MGAM: variants seen among roughly 807,000 people sequenced by gnomAD.
The protein encoded by MGAM is alpha-1,4-glucosidase.
In MGAM, 253 loss-of-function variants were observed where a neutral mutation model predicts 358.8. The observed-to-expected ratio is 0.71, with a 90% confidence interval of 0.64 to 0.78. The LOEUF (loss-of-function observed/expected upper bound fraction) is 0.78, where lower values mean the gene tolerates loss of function less well. Among genes scored for constraint, MGAM ranks in the 30% least tolerant of loss-of-function variants. The probability of loss-of-function intolerance (pLI) is 0.00; values close to 1 mark genes in which losing one functional copy is unlikely to be tolerated. For missense variants in MGAM, 3,080 were observed against 3,432.6 expected (o/e 0.90, Z 2.57); for synonymous variants, 1,105 against 1,227.1 (o/e 0.90, Z 2.08).
rs1812840596 is a variant in MGAM, at chr7:142,067,211, C to G, written c.4920-130C>G. 2.8e-5 allele frequency: 25 copies of G among 891,908 alleles called. 2 individuals are homozygous for G. The South Asian group carries it at 3.8e-4, about 14-fold the overall frequency. 55.2% of individuals were successfully genotyped at this position (891,908 alleles called of 1,614,324 possible). ...CTGGGTGCTCCTGATGAAGCTAGGC[C>G]TAGGAACAAAGCAAGGATGGCTCAG... On this transcript the variant is annotated intron_variant, in intron 41 of 70. Transcript: ENST00000475668.
In MGAM at chr7:142,047,143, G is replaced by A. The variant is rs1810477420; in HGVS notation, c.2499-642G>A. 1.3e-5 allele frequency among the ~76,000 whole-genome samples: 2 copies of A among 152,084 alleles called. 1 individual carries two copies. The highest frequency in any genetic ancestry group is 4.1e-4 in the South Asian group (2 of 4,820). On this transcript the variant is annotated intron_variant, in intron 21 of 70. Transcript: ENST00000475668. ...TTGCTTAGAGCAGTGATAGAATGAG[G>A]AGAGACTCCAAATAAAAATTTCTCT...
In MGAM at chr7:142,040,821, C is replaced by A. The variant is rs148440972; in HGVS notation, c.2473C>A (p.Gln825Lys). ...AGGAGGCTACATCTTCCCCACACAGCAGCCAAATACAACCACTCTGGCCAG... is the reference window on the plus strand; with the variant it reads ...AGGAGGCTACATCTTCCCCACACAGAAGCCAAATACAACCACTCTGGCCAG... Reference protein sequence around the residue: ...LRGGYIFPTQQPNTTTLASRK... With the variant: ...LRGGYIFPTQKPNTTTLASRK... The change falls in exon 21 of 71, where the codon CAG becomes AAG. Residue 825 changes from glutamine to lysine, a missense_variant. Gln to Lys is a moderately conservative substitution (Grantham distance 53). Transcript: ENST00000475668. The A allele has an allele frequency of 2.3e-4, 375 of 1,612,340 alleles. 1 individual carries two copies. The African/African-American group carries it at 4.5e-3, about 19-fold the overall frequency.
chr7:142,092,702 G>T, intron 59 of MGAM, 94 bp downstream of exon 59: 1 of 1,143,716 alleles, frequency 8.7e-7, no homozygotes, highest in Non-Finnish European at 1.3e-6. Flanking sequence ...GCACAGCTCA[G>T]GGCACATCCT....
intron 16 of MGAM, among the ~76,000 whole-genome samples, chr7:142,035,924 T>A (rs1159735243): frequency 1.3e-5 from 2 of 152,172 alleles, no homozygotes; most frequent in African/African-American, 4.8e-5. Flanking sequence ...ATTTACGAAA[T>A]ACCTGTGTAG....
chr7:142,042,504 A>G (rs1349467299), intron 21 of MGAM, among the ~76,000 whole-genome samples: 1 of 28,286 alleles, frequency 3.5e-5, no homozygotes, highest in African/African-American at 1.7e-4. Flanking sequence ...TATATAATAT[A>G]TAATATATAT....
rs565969071 is a variant in MGAM at position 142,093,090 on chromosome 7, G to T, written c.7034-322G>T. 5.5e-5 allele frequency among the ~76,000 whole-genome samples: 8 copies of T among 146,694 alleles called. 1 individual carries two copies. In the South Asian group the frequency reaches 1.1e-3, roughly 20 times the overall value. On this transcript the variant is annotated intron_variant, in intron 59 of 70. Coordinates refer to ENST00000475668, the MANE Select transcript of MGAM (RefSeq NM_001365693.1). ...AATCTCAGTCTGCTAAACTGTAAAAGACAGGTAATGAGATCTTCTTCATAG... is the reference window on the plus strand; with the variant it reads ...AATCTCAGTCTGCTAAACTGTAAAATACAGGTAATGAGATCTTCTTCATAG...
At chr7:142,097,286 T>G (rs924973512) in intron 65 of MGAM, among the ~76,000 whole-genome samples, 3 of 152,014 alleles carry the variant, frequency 2.0e-5, no homozygotes, top group African/African-American at 2.4e-5. Context: ...AGACACAACC[T>G]CAGTTGTTTG....
intron 57 of MGAM, among the ~76,000 whole-genome samples, chr7:142,087,482 A>G (rs547187929): frequency 6.8e-6 from 1 of 146,088 alleles, no homozygotes; most frequent in African/African-American, 2.4e-5. Flanking sequence ...GTGCTTTACT[A>G]TCAATTGTTG....
chr7:142,025,241 A>G, intron 8 of MGAM, 92 bp downstream of exon 8: 1 of 971,008 alleles, frequency 1.0e-6, no homozygotes, highest in Non-Finnish European at 1.6e-6. Context: ...TCCCTTTAAG[A>G]GTGACTGAGC....
rs1384268706 is a variant in MGAM, at chr7:142,070,367, G to A, written c.5062-627G>A. Among the ~76,000 whole-genome samples, 2 of 146,184 alleles carry A rather than the reference G, an allele frequency of 1.4e-5. 1 individual carries two copies. The highest frequency in any genetic ancestry group is 4.9e-5 in the African/African-American group (2 of 41,084). Reference sequence around the variant, plus strand: ...AAACTATGGCCCACAGCCAAATCTGGTTGTTAGCTGATTTGCAAATAAAGT... The same window carrying A: ...AAACTATGGCCCACAGCCAAATCTGATTGTTAGCTGATTTGCAAATAAAGT... On this transcript the variant is annotated intron_variant, in intron 43 of 70. Transcript: ENST00000475668.
intron 7 of MGAM, among the ~76,000 whole-genome samples, chr7:142,023,707 A>G (rs1249498565): frequency 6.6e-6 from 1 of 151,972 alleles, no homozygotes. Context: ...AGAACAGAGG[A>G]AGAATCTAAT....
At position 142,059,444 on chromosome 7, in the gene MGAM, C is replaced by T. The variant is rs372430942; in HGVS notation, c.3820-28C>T. 40 of 1,599,674 alleles carry T rather than the reference C, an allele frequency of 2.5e-5. 1 individual carries two copies. The highest frequency in any genetic ancestry group is 3.2e-5 in the Non-Finnish European group (37 of 1,171,104). On this transcript the variant is annotated intron_variant, in intron 31 of 70. Coordinates refer to ENST00000475668, the MANE Select transcript of MGAM (RefSeq NM_001365693.1). The stretch of plus-strand genomic sequence containing the variant: ...AAAGCTTGGGCGTGTACAGCAGCAG[C>T]CTCTCAGCTCCCCATGTCCTCCCGC...
intron 64 of MGAM, chr7:142,095,956 A>T (rs1815868589): frequency 1.4e-6 from 1 of 695,492 alleles, no homozygotes; most frequent in Non-Finnish European, 2.3e-6. Context: ...TTTCTTTCTA[A>T]TTTGGCTGTG....
chr7:142,082,231 A>G, intron 51 of MGAM, 21 bp downstream of exon 51: 3 of 1,545,978 alleles, frequency 1.9e-6, no homozygotes, highest in Non-Finnish European at 2.7e-6. Context: ...AGCATTTGAG[A>G]TCTGTGTCTC....
chr7:142,045,709 T>TAATATATATTATATACATACAATGTATG lies in MGAM; in HGVS notation c.2499-2068_2499-2067insTTATATACATACAATGTATGAATATATA, dbSNP rs1179575179. ...TATATACATACAATATATGAATATA[T>TAATATATATTATATACATACAATGTATG]AATATATAATATATACATACAATGT... On this transcript the variant is annotated intron_variant, in intron 21 of 70. Transcript: ENST00000475668. Among the ~76,000 whole-genome samples the TAATATATATTATATACATACAATGTATG allele has an allele frequency of 3.7e-5, 3 of 81,914 alleles. 1 individual carries two copies. Among genetic ancestry groups the TAATATATATTATATACATACAATGTATG allele is most frequent in the African/African-American group, 9.2e-5 (2 of 21,640 alleles). 53.7% of individuals were successfully genotyped at this position (81,914 alleles called of 152,430 possible).
In MGAM at chr7:142,010,867, C is replaced by T. The variant is rs373095295; in HGVS notation, c.327+2162C>T. Among the ~76,000 whole-genome samples, 86 of 152,212 alleles carry T rather than the reference C, an allele frequency of 5.7e-4. 2 individuals are homozygous for T. In the South Asian group the frequency reaches 0.011, roughly 19 times the overall value. On this transcript the variant is annotated intron_variant, in intron 3 of 70. Coordinates refer to ENST00000475668, the MANE Select transcript of MGAM (RefSeq NM_001365693.1). The stretch of plus-strand genomic sequence containing the variant: ...ATTCCAAACCTTTGAATTCTAAAAT[C>T]CTTTCCACTTTCTTGATGAAGTCTT...
chr7:142,069,493 A>C (rs1384061203), intron 43 of MGAM, among the ~76,000 whole-genome samples: 2 of 145,586 alleles, frequency 1.4e-5, no homozygotes, highest in African/African-American at 4.9e-5. Context: ...AGGAGAACAT[A>C]GTTGAGGGCT....
rs1554466209 is a variant in MGAM at position 142,036,944 on chromosome 7, G to A, written c.2198G>A (p.Arg733Gln). The A allele has an allele frequency of 3.7e-6, 6 of 1,613,566 alleles. No individual in the cohort carries two copies. Among genetic ancestry groups the A allele is most frequent in the Non-Finnish European group, 5.1e-6 (6 of 1,179,630 alleles). ...LYTLFFRAHSRGDTVARPLLH... is the reference protein window; with the variant it reads ...LYTLFFRAHSQGDTVARPLLH... The stretch of plus-strand genomic sequence containing the variant: ...ACCCTCTTCTTCCGTGCTCACAGCC[G>A]AGGGGACACGGTGGCCAGGCCCCTT... The change falls in exon 18 of 71, where the codon CGA becomes CAA. Residue 733 changes from arginine (R) to glutamine (Q), a missense_variant. Physicochemically the swap from Arg to Gln is conservative, Grantham distance 43 (BLOSUM62 1). Transcript: ENST00000475668.
chr7:142,005,740 A>C (rs1285965), intron 2 of MGAM, 83 bp downstream of exon 2: 686,524 of 1,400,592 alleles, frequency 0.49, 171,580 homozygotes, highest in East Asian at 0.65. Context: ...TAATGCTTTC[A>C]TGCTCATGTG....
Sources: gnomAD v4.1 joint callset for allele counts (sites outside exome capture counted in the v4.1 genomes callset) on GRCh38, gnomAD v4.1.1 for gene constraint, MANE v1.5 for transcripts, NCBI Gene and HGNC (gene_info 2026-07-23, HGNC 2026-07-21) for gene names.